Variants in PRELID2 observed in about 807,000 individuals in gnomAD.
The protein encoded by PRELID2 is PRELI domain-containing protein 2.
Under a neutral mutation model 28.4 loss-of-function variants are expected in PRELID2, and 25 were observed. That is an observed-to-expected ratio of 0.88 (90% CI 0.64 to 1.23). The LOEUF (loss-of-function observed/expected upper bound fraction) is 1.23. Ranked by LOEUF, PRELID2 falls within the 50% of genes most tolerant of loss-of-function variation. The pLI, the probability that PRELID2 is intolerant of heterozygous loss-of-function variation, is 0.00. For synonymous variants in PRELID2, 76 were observed against 71.6 expected (o/e 1.06, Z -0.31); for missense variants, 201 against 214.4 (o/e 0.94, Z 0.39).
intron 1 of PRELID2, among the ~76,000 whole-genome samples, chr5:145,714,442 C>T (rs79814166): frequency 0.01 from 1,592 of 152,082 alleles, 42 homozygotes; most frequent in East Asian, 0.075. Context: ...GTCAATAAAC[C>T]CTATTCCCTG....
chr5:145,386,307 G>A, the PRELID2 span, among the ~76,000 whole-genome samples: 2 of 151,984 alleles, frequency 1.3e-5, no homozygotes, highest in Non-Finnish European at 2.9e-5. Flanking sequence ...CCTTCCACCA[G>A]GTCCCTCCCA....
chr5:145,409,759 A>G, the PRELID2 span, among the ~76,000 whole-genome samples: 2 of 151,814 alleles, frequency 1.3e-5, no homozygotes, highest in Non-Finnish European at 2.9e-5. Context: ...TGAAAAAAAA[A>G]AAAAAAAGAC....
chr5:145,383,826 G>GCACATACACACA, the PRELID2 span, among the ~76,000 whole-genome samples: 1 of 150,974 alleles, frequency 6.6e-6, no homozygotes, highest in Non-Finnish European at 1.5e-5. Context: ...GCACACACAT[G>GCACATACACACA]CACATACACA....
chr5:145,750,966 G>T (rs1415789947), intron 1 of PRELID2, among the ~76,000 whole-genome samples: 1 of 152,162 alleles, frequency 6.6e-6, no homozygotes, highest in Non-Finnish European at 1.5e-5. Context: ...TAGACTGACT[G>T]GTTAGAGATG....
At chr5:145,283,659 T>G in the PRELID2 span, among the ~76,000 whole-genome samples, 3 of 152,280 alleles carry the variant, frequency 2.0e-5, no homozygotes, top group Non-Finnish European at 2.9e-5. Flanking sequence ...ACAGAACAAT[T>G]GCCAAAGCGA....
At chr5:145,279,993 T>C in the PRELID2 span, among the ~76,000 whole-genome samples, 4 of 152,160 alleles carry the variant, frequency 2.6e-5, no homozygotes, top group African/African-American at 9.7e-5. Flanking sequence ...AATGATTGGC[T>C]TATCTTACAT....
At chr5:145,451,675 A>G in the PRELID2 span, among the ~76,000 whole-genome samples, 3 of 152,186 alleles carry the variant, frequency 2.0e-5, no homozygotes, top group Non-Finnish European at 2.9e-5. Context: ...ACAGATTAAA[A>G]TCTGCAGGGT....
At chr5:145,646,804 G>C (rs1004647533) in intron 1 of PRELID2, among the ~76,000 whole-genome samples, 1 of 152,190 alleles carries the variant, frequency 6.6e-6, no homozygotes, top group African/African-American at 2.4e-5. Flanking sequence ...GAGTTTGCTG[G>C]AGGTCCACTC....
intron 1 of PRELID2, among the ~76,000 whole-genome samples, chr5:145,691,059 GAC>G (rs1211612714): frequency 1.3e-5 from 2 of 152,004 alleles, no homozygotes; most frequent in African/African-American, 4.8e-5. Context: ...TGTAAATTGT[GAC>G]ACCTATTTTG....
intron 1 of PRELID2, among the ~76,000 whole-genome samples, chr5:145,649,326 T>A (rs1016655504): frequency 1.3e-5 from 2 of 152,172 alleles, no homozygotes; most frequent in African/African-American, 4.8e-5. Flanking sequence ...CCTACAGATA[T>A]ACAGAGATGA....
chr5:145,699,341 A>T (rs760383781), intron 1 of PRELID2, among the ~76,000 whole-genome samples: 1 of 152,026 alleles, frequency 6.6e-6, no homozygotes, highest in Non-Finnish European at 1.5e-5. Context: ...ATAATACCTA[A>T]CATTTGCAAG....
the PRELID2 span, among the ~76,000 whole-genome samples, chr5:145,414,247 G>C: frequency 1.3e-5 from 2 of 152,126 alleles, no homozygotes; most frequent in Non-Finnish European, 2.9e-5. Context: ...CAAAATCTCT[G>C]GCCACATGAA....
chr5:145,764,658 C>T (rs1757636900), intron 6 of PRELID2, among the ~76,000 whole-genome samples: 1 of 152,196 alleles, frequency 6.6e-6, no homozygotes, highest in Admixed American at 6.5e-5. Context: ...ATCTATAACA[C>T]CTTGAGGCTC....
intron 1 of PRELID2, among the ~76,000 whole-genome samples, chr5:145,593,546 A>T (rs1329545868): frequency 6.6e-6 from 1 of 152,224 alleles, no homozygotes; most frequent in African/African-American, 2.4e-5. Context: ...CATTATAGGC[A>T]ACTTTTGAAT....
the PRELID2 span, among the ~76,000 whole-genome samples, chr5:145,408,177 C>A: frequency 6.6e-6 from 1 of 152,082 alleles, no homozygotes; most frequent in Non-Finnish European, 1.5e-5. Flanking sequence ...GATCTTTCCA[C>A]TGAAACAGTC....
the PRELID2 span, among the ~76,000 whole-genome samples, chr5:145,335,691 GC>G: frequency 6.6e-6 from 1 of 152,148 alleles, no homozygotes; most frequent in Non-Finnish European, 1.5e-5. Flanking sequence ...ATGGAATATA[GC>G]AAAAGCAGTT....
chr5:145,471,652 C>T (rs935043508), downstream of PRELID2: 3 of 151,928 alleles, frequency 2.0e-5, no homozygotes, highest in African/African-American at 7.3e-5. Flanking sequence ...TGCCTCTTGC[C>T]TATCGGTGTA....
chr5:145,543,845 CAA>C, intron 1 of PRELID2, among the ~76,000 whole-genome samples: 2 of 152,050 alleles, frequency 1.3e-5, no homozygotes, highest in Non-Finnish European at 2.9e-5. Context: ...TCCCAGAAGT[CAA>C]ACAGTTCATA....
At chr5:145,820,502 A>T (rs1754707596) in intron 2 of PRELID2, among the ~76,000 whole-genome samples, 3 of 152,146 alleles carry the variant, frequency 2.0e-5, no homozygotes, top group African/African-American at 7.2e-5. Context: ...AGAATGTTTC[A>T]ACAAAAAGAG....
Sources: allele counts gnomAD v4.1 joint callset (sites outside exome capture counted in the v4.1 genomes callset), GRCh38; gene constraint gnomAD v4.1.1; transcripts MANE v1.5; gene names NCBI Gene and HGNC (gene_info 2026-07-23, HGNC 2026-07-21).